The following LRMDA variants were observed in gnomAD, a reference collection of about 807,000 sequenced individuals.
LRMDA encodes the protein leucine rich melanocyte differentiation associated, also known as leucine-rich melanocyte differentiation-associated protein.
In LRMDA, 18 loss-of-function variants were observed where a neutral mutation model predicts 29.8. The observed-to-expected ratio is 0.60, with a 90% confidence interval of 0.42 to 0.90. The LOEUF is 0.90. Ranked by LOEUF, LRMDA falls within the 40% of genes least tolerant of loss-of-function variation. The pLI is 0.00. For missense variants in LRMDA, 273 were observed against 273.9 expected (o/e 1.00, Z 0.02); for synonymous variants, 125 against 109.4 (o/e 1.14, Z -0.89).
At chr10:75,967,033 T>G (rs1385847122) in intron 2 of LRMDA, among the ~76,000 whole-genome samples, 1 of 152,202 alleles carries the variant, frequency 6.6e-6, no homozygotes, top group Non-Finnish European at 1.5e-5. Flanking sequence ...GTAGGGACTT[T>G]GTAGGAGGCT....
chr10:76,486,713 T>C (rs968923480), intron 6 of LRMDA, among the ~76,000 whole-genome samples: 1 of 151,926 alleles, frequency 6.6e-6, no homozygotes, highest in African/African-American at 2.4e-5. Flanking sequence ...AACTGATGGA[T>C]ACCACCTCCC....
At chr10:75,600,039 G>C (rs1840861926) in intron 2 of LRMDA, among the ~76,000 whole-genome samples, 1 of 152,156 alleles carries the variant, frequency 6.6e-6, no homozygotes, top group African/African-American at 2.4e-5. Context: ...TTTTACAGAT[G>C]GGAAAACCAA....
intron 2 of LRMDA, among the ~76,000 whole-genome samples, chr10:75,619,030 C>G (rs180878978): frequency 1.3e-5 from 2 of 152,136 alleles, no homozygotes; most frequent in African/African-American, 2.4e-5. Flanking sequence ...ATCTCCTGAC[C>G]TCGTGATCTG....
Position 75,840,114 on chromosome 10 carries a change from C to T in LRMDA, c.132-195894C>T, listed in dbSNP as rs551804613. Reference sequence around the variant, plus strand: ...CTTCATTGACCCTACCCTGTATCATCCAATTCTACTTCTTTCCCTTCCTTC... The same window carrying T: ...CTTCATTGACCCTACCCTGTATCATTCAATTCTACTTCTTTCCCTTCCTTC... On this transcript the variant is annotated intron_variant, in intron 2 of 6. Coordinates refer to ENST00000611255, the MANE Select transcript of LRMDA (RefSeq NM_001305581.2). 2.0e-5 allele frequency among the ~76,000 whole-genome samples: 3 copies of T among 152,182 alleles called. No individual in the cohort carries two copies. In the South Asian group the frequency reaches 6.2e-4, roughly 32 times the overall value.
intron 5 of LRMDA, among the ~76,000 whole-genome samples, chr10:76,121,693 A>ATC (rs2132125250): frequency 6.6e-6 from 1 of 152,334 alleles, no homozygotes; most frequent in East Asian, 1.9e-4. Flanking sequence ...GATGGGGACC[A>ATC]GATATCCAGT....
chr10:76,118,464 A>G (rs1219621236), intron 5 of LRMDA, among the ~76,000 whole-genome samples: 2 of 152,174 alleles, frequency 1.3e-5, no homozygotes, highest in Non-Finnish European at 2.9e-5. Context: ...AGAACAGCAA[A>G]TGTTCTGGGT....
Position 75,845,298 on chromosome 10 carries a change from T to G in LRMDA, c.132-190710T>G, listed in dbSNP as rs539720566. ...CTTAGGCTTATCAGCAACAATGGTT[T>G]TCACATTAGTGAGCATGGTTTGGCA... On this transcript the variant is annotated intron_variant, in intron 2 of 6. Transcript: ENST00000611255. Among the ~76,000 whole-genome samples the G allele has an allele frequency of 9.2e-5, 14 of 152,340 alleles. No individual in the cohort carries two copies. In the South Asian group the frequency reaches 2.9e-3, roughly 32 times the overall value.
chr10:76,419,380 T>C (rs936509088), intron 6 of LRMDA, among the ~76,000 whole-genome samples: 11 of 152,108 alleles, frequency 7.2e-5, no homozygotes, highest in Admixed American at 2.0e-4. Context: ...GTTGGTAATA[T>C]GCATTTAAGT....
chr10:75,565,421 GGGT>G (rs1840359385), intron 2 of LRMDA, among the ~76,000 whole-genome samples: 1 of 152,226 alleles, frequency 6.6e-6, no homozygotes, highest in Non-Finnish European at 1.5e-5. Flanking sequence ...CCTCTTAATT[GGGT>G]GCCAGTTTGA....
intron 2 of LRMDA, among the ~76,000 whole-genome samples, chr10:75,848,486 C>G (rs1201306754): frequency 6.6e-6 from 1 of 152,162 alleles, no homozygotes; most frequent in East Asian, 1.9e-4. Context: ...GTTCAACAGG[C>G]CTGTAAACAT....
chr10:76,324,103 A>G (rs192245815), intron 5 of LRMDA, among the ~76,000 whole-genome samples: 1 of 152,248 alleles, frequency 6.6e-6, no homozygotes, highest in Non-Finnish European at 1.5e-5. Context: ...CTAAGCCTTT[A>G]ACTTTTCCTG....
chr10:76,171,450 C>T (rs2132193106), intron 5 of LRMDA, among the ~76,000 whole-genome samples: 1 of 152,302 alleles, frequency 6.6e-6, no homozygotes, highest in Middle Eastern at 3.4e-3. Flanking sequence ...ATCTTTGATA[C>T]ATTCAGAAAG....
intron 2 of LRMDA, among the ~76,000 whole-genome samples, chr10:75,727,671 A>G (rs907911091): frequency 6.6e-6 from 1 of 152,258 alleles, no homozygotes; most frequent in Admixed American, 6.5e-5. Flanking sequence ...ATTTTACATA[A>G]CAAAGAAGAT....
intron 2 of LRMDA, chr10:75,643,155 ACTGATTTCACTCATT>A: frequency 6.6e-6 from 1 of 152,262 alleles, no homozygotes; most frequent in African/African-American, 2.4e-5. Flanking sequence ...CTTTGTTAAA[ACTGATTTCACTCATT>A]CATACACACA....
intron 2 of LRMDA, among the ~76,000 whole-genome samples, chr10:75,529,832 G>A (rs10824315): frequency 1.3e-5 from 2 of 151,930 alleles, no homozygotes; most frequent in Non-Finnish European, 2.9e-5. Context: ...CAAATACAAC[G>A]TATCTATATT....
intron 2 of LRMDA, among the ~76,000 whole-genome samples, chr10:76,014,711 T>C (rs1198302562): frequency 6.6e-6 from 1 of 152,200 alleles, no homozygotes; most frequent in Non-Finnish European, 1.5e-5. Flanking sequence ...CTTAGGCTCC[T>C]TCTAAAGCTT....
chr10:76,217,161 T>G (rs963436062), intron 5 of LRMDA, among the ~76,000 whole-genome samples: 1 of 152,178 alleles, frequency 6.6e-6, no homozygotes, highest in South Asian at 2.1e-4. Flanking sequence ...TGAATGTGTA[T>G]GTATCGATAC....
chr10:76,501,581 T>C (rs1284326953), intron 6 of LRMDA, among the ~76,000 whole-genome samples: 2 of 152,090 alleles, frequency 1.3e-5, no homozygotes, highest in African/African-American at 2.4e-5. Context: ...TGAGATGGTT[T>C]TCCATTGTGG....
At chr10:76,138,137 A>G (rs1036804931) in intron 5 of LRMDA, among the ~76,000 whole-genome samples, 2 of 152,162 alleles carry the variant, frequency 1.3e-5, no homozygotes, top group Admixed American at 1.3e-4. Context: ...GCCATGTTCT[A>G]ATGATGAAGG....
Sources: gnomAD v4.1 joint callset for allele counts (sites outside exome capture counted in the v4.1 genomes callset) on GRCh38, gnomAD v4.1.1 for gene constraint, MANE v1.5 for transcripts, NCBI Gene and HGNC (gene_info 2026-07-23, HGNC 2026-07-21) for gene names.